DIAPH2: variants seen among roughly 807,000 people sequenced by gnomAD.
DIAPH2 encodes the protein protein diaphanous homolog 2.
DIAPH2 carries 35 observed loss-of-function variants against 92.7 expected under a neutral mutation model. The ratio of observed to expected loss-of-function variants is 0.38; its 90% confidence interval spans 0.29 to 0.50. The LOEUF is 0.50. DIAPH2 is among the 20% of genes least tolerant of loss of function. DIAPH2 has a pLI of 0.94. For synonymous variants in DIAPH2, 301 were observed against 280.4 expected, an observed-to-expected ratio of 1.07 and a Z score of -0.73; for missense variants, 701 against 819.5, an observed-to-expected ratio of 0.86 and a Z score of 1.77.
At chrX:96,941,331 G>T (rs2065702965) in intron 12 of DIAPH2, among the ~76,000 whole-genome samples, 1 of 111,904 alleles carries the variant, frequency 8.9e-6, no homozygotes, top group African/African-American at 3.2e-5. Context: ...AAAAAATTTT[G>T]CAGTATGTGA....
intron 17 of DIAPH2, among the ~76,000 whole-genome samples, chrX:97,022,673 G>T (rs904056358): frequency 1.3e-4 from 15 of 111,698 alleles, no homozygotes; most frequent in Admixed American, 4.7e-4. Context: ...TTGTCATCTG[G>T]AATTCTGACA....
chrX:97,540,173 G>T (rs1003588549), intron 26 of DIAPH2, among the ~76,000 whole-genome samples: 3 of 111,975 alleles, frequency 2.7e-5, no homozygotes, highest in African/African-American at 9.7e-5. Flanking sequence ...GCCCAAAATT[G>T]CTCAATTTGG....
In DIAPH2 at chrX:97,070,536, C is replaced by G. The variant is rs1166918510; in HGVS notation, c.2051-2405C>G. On this transcript the variant is annotated intron_variant, in intron 17 of 26. Transcript: ENST00000324765. ...TCTTTGAATTCTCTATTTATCTAAGCCTGTGGTCATGATCCCTAAGGAATG... is the reference window on the plus strand; with the variant it reads ...TCTTTGAATTCTCTATTTATCTAAGGCTGTGGTCATGATCCCTAAGGAATG... Among the ~76,000 whole-genome samples, 4 of 111,432 alleles carry G rather than the reference C, an allele frequency of 3.6e-5. No individual in the cohort carries two copies. In the East Asian group the frequency reaches 1.1e-3, roughly 31 times the overall value.
At chrX:97,183,124 A>G (rs2067553187) in intron 22 of DIAPH2, among the ~76,000 whole-genome samples, 1 of 112,015 alleles carries the variant, frequency 8.9e-6, no homozygotes, top group Non-Finnish European at 1.9e-5. Flanking sequence ...TTAATCAGCA[A>G]TCTAAGTTTT....
rs746666416 is a variant in DIAPH2, at chrX:96,812,027, G to T, written c.447+53769G>T. ...CAGGCTTTGGTATCAGGATGATGCT[G>T]GCGTCATAAAATGAGTTAGGGAGGA... On this transcript the variant is annotated intron_variant, in intron 4 of 26. Transcript: ENST00000324765. Among the ~76,000 whole-genome samples the T allele has an allele frequency of 3.6e-5, 4 of 111,576 alleles. No individual in the cohort carries two copies. The South Asian group carries it at 1.5e-3, about 42-fold the overall frequency.
At chrX:96,898,441 C>G in intron 5 of DIAPH2, among the ~76,000 whole-genome samples, 1 of 73,004 alleles carries the variant, frequency 1.4e-5, no homozygotes. Context: ...GATGGTATCT[C>G]ATTGTGGTTT....
chrX:97,378,384 A>G (rs1392356420), intron 24 of DIAPH2, among the ~76,000 whole-genome samples: 12 of 105,417 alleles, frequency 1.1e-4, no homozygotes, highest in Non-Finnish European at 2.3e-4. Context: ...CTCCGTCTCA[A>G]AAAAAAAAAA....
At chrX:97,313,310 A>G (rs1358555328) in intron 23 of DIAPH2, among the ~76,000 whole-genome samples, 1 of 112,051 alleles carries the variant, frequency 8.9e-6, no homozygotes, top group Non-Finnish European at 1.9e-5. Context: ...AAAATAATCA[A>G]GCTTTCCTGT....
At chrX:96,897,936 T>A (rs2065358372) in intron 5 of DIAPH2, among the ~76,000 whole-genome samples, 1 of 80,966 alleles carries the variant, frequency 1.2e-5, no homozygotes, top group African/African-American at 4.6e-5. Context: ...CCATGTGTTC[T>A]CATTGTTCAA....
chrX:96,763,223 AT>A, intron 4 of DIAPH2: 1 of 536,349 alleles, frequency 1.9e-6, no homozygotes, highest in Non-Finnish European at 2.6e-6. Flanking sequence ...TTTGGTATAT[AT>A]TTTACCAAAG....
At chrX:97,368,238 TATCTA>T (rs2069402049) in intron 24 of DIAPH2, among the ~76,000 whole-genome samples, 1 of 112,494 alleles carries the variant, frequency 8.9e-6, no homozygotes, top group Non-Finnish European at 1.9e-5. Flanking sequence ...CTCTGGAAGA[TATCTA>T]ATAAGACTTG....
At chrX:97,374,531 A>G (rs1443724057) in intron 24 of DIAPH2, among the ~76,000 whole-genome samples, 1 of 112,001 alleles carries the variant, frequency 8.9e-6, no homozygotes, top group African/African-American at 3.3e-5. Flanking sequence ...CATAAGAGGA[A>G]CTTTAAAGGT....
Position 97,535,401 on chromosome X carries a change from TAAAATC to T in DIAPH2, c.3242-63850_3242-63845del, listed in dbSNP as rs762479732. 5.3e-4 allele frequency among the ~76,000 whole-genome samples: 60 copies of T among 112,420 alleles called. 1 individual carries two copies. Among genetic ancestry groups the T allele is most frequent in the Admixed American group, 4.7e-4 (5 of 10,636 alleles). On this transcript the variant is annotated intron_variant, in intron 26 of 26. Coordinates refer to ENST00000324765, the MANE Select transcript of DIAPH2 (RefSeq NM_006729.5). ...TATATGAACAGTGATGTTGGATTCTTAAAATCAGAAAGTCCCTGAAAGTATACCATA... is the reference window on the plus strand; with the variant it reads ...TATATGAACAGTGATGTTGGATTCTTAGAAAGTCCCTGAAAGTATACCATA...
At chrX:97,283,893 G>T (rs757706106) in intron 23 of DIAPH2, among the ~76,000 whole-genome samples, 1 of 112,424 alleles carries the variant, frequency 8.9e-6, no homozygotes, top group Non-Finnish European at 1.9e-5. Context: ...AGTGAGTCGA[G>T]ATCGCACCAT....
intron 26 of DIAPH2, among the ~76,000 whole-genome samples, chrX:97,516,575 A>G (rs1476091038): frequency 8.9e-6 from 1 of 112,129 alleles, no homozygotes; most frequent in Non-Finnish European, 1.9e-5. Context: ...GGACAAGATC[A>G]CTATAGTTTG....
intron 22 of DIAPH2, among the ~76,000 whole-genome samples, chrX:97,231,516 T>TA (rs2068009410): frequency 9.0e-6 from 1 of 111,678 alleles, no homozygotes; most frequent in Non-Finnish European, 1.9e-5. Context: ...ACAGCACTGT[T>TA]AAAAATAACC....
chrX:96,740,610 C>T (rs2064113205), intron 3 of DIAPH2, among the ~76,000 whole-genome samples: 2 of 111,528 alleles, frequency 1.8e-5, no homozygotes, highest in South Asian at 7.5e-4. Flanking sequence ...TTGCCAAATC[C>T]CATTGGTTTT....
At chrX:97,554,180 T>G (rs2071241527) in intron 26 of DIAPH2, among the ~76,000 whole-genome samples, 1 of 111,526 alleles carries the variant, frequency 9.0e-6, no homozygotes, top group Non-Finnish European at 1.9e-5. Flanking sequence ...CAGCCTCAAA[T>G]GGTACATCTT....
At chrX:97,235,825 C>T (rs2068044263) in intron 22 of DIAPH2, among the ~76,000 whole-genome samples, 1 of 109,969 alleles carries the variant, frequency 9.1e-6, no homozygotes, top group Non-Finnish European at 1.9e-5. Flanking sequence ...ATGATAATGC[C>T]CAGATAACTA....
Sources: gnomAD v4.1 joint callset for allele counts (sites outside exome capture counted in the v4.1 genomes callset) on GRCh38, gnomAD v4.1.1 for gene constraint, MANE v1.5 for transcripts, NCBI Gene and HGNC (gene_info 2026-07-23, HGNC 2026-07-21) for gene names.